The following PPEF2 variants were observed in gnomAD, a reference collection of about 807,000 sequenced individuals.
The protein encoded by PPEF2 is protein phosphatase with EF-hand domain 2, also known as serine/threonine-protein phosphatase with EF-hands 2.
In PPEF2, 84 loss-of-function variants were observed where a neutral mutation model predicts 84.7. That is an observed-to-expected ratio of 0.99 (90% CI 0.83 to 1.19). The LOEUF (loss-of-function observed/expected upper bound fraction) is 1.19. Among genes scored for constraint, PPEF2 ranks in the 50% most tolerant of loss-of-function variants. The pLI, the probability that PPEF2 is intolerant of heterozygous loss-of-function variation, is 0.00. For synonymous variants in PPEF2, 346 were observed against 345.2 expected (o/e 1.00, Z -0.03); for missense variants, 924 against 937.5 (o/e 0.99, Z 0.19).
At chr4:75,878,778 A>G (rs1049379796) in intron 10 of PPEF2, among the ~76,000 whole-genome samples, 1 of 152,070 alleles carries the variant, frequency 6.6e-6, no homozygotes, top group Non-Finnish European at 1.5e-5. Context: ...ATTCTCAGGT[A>G]TTTTATTATT....
intron 5 of PPEF2, 114 bp from the exon 6 acceptor site, chr4:75,888,442 C>T: frequency 8.7e-6 from 6 of 687,912 alleles, no homozygotes; most frequent in Non-Finnish European, 1.3e-5. Flanking sequence ...AAAAGTAACC[C>T]CAGTAAACTG....
chr4:75,897,757 A>G (rs1296198060), intron 1 of PPEF2, among the ~76,000 whole-genome samples: 1 of 152,202 alleles, frequency 6.6e-6, no homozygotes, highest in Non-Finnish European at 1.5e-5. Flanking sequence ...AGCCTGGGCG[A>G]CAGAGCAAGA....
intron 13 of PPEF2, 71 bp downstream of exon 13, chr4:75,871,954 G>T: frequency 7.0e-7 from 1 of 1,438,134 alleles, no homozygotes; most frequent in Non-Finnish European, 9.4e-7. Flanking sequence ...TATAACGTTT[G>T]ACACTTCATT....
chr4:75,886,426 T>G (rs1263550440), intron 7 of PPEF2, among the ~76,000 whole-genome samples: 1 of 152,180 alleles, frequency 6.6e-6, no homozygotes, highest in Non-Finnish European at 1.5e-5. Flanking sequence ...GGCACGTTCG[T>G]GGGGAACCTG....
At chr4:75,898,171 T>C (rs1168668908) in intron 1 of PPEF2, among the ~76,000 whole-genome samples, 1 of 152,236 alleles carries the variant, frequency 6.6e-6, no homozygotes, top group African/African-American at 2.4e-5. Context: ...TTTTCTGCCC[T>C]GGGCGGGCCA....
chr4:75,888,464 A>G (rs17001150), intron 5 of PPEF2, 136 bp from the exon 6 acceptor site: 6,401 of 601,872 alleles, frequency 0.011, 317 homozygotes, highest in African/African-American at 0.1. Context: ...TCCTGGGACT[A>G]TGCACGGATT....
intron 11 of PPEF2, among the ~76,000 whole-genome samples, chr4:75,876,020 C>T (rs2149218322): frequency 6.6e-6 from 1 of 152,300 alleles, no homozygotes. Flanking sequence ...TAGCATCCAA[C>T]AAATCATAGC....
In PPEF2 at chr4:75,888,279, T is replaced by C. The variant is rs766478534; in HGVS notation, c.467A>G (p.His156Arg). Residue 156 changes from histidine to arginine, a missense_variant, in exon 6 of 17, where the codon CAT becomes CGT. Transcript: ENST00000286719. ...VLNLLYETKK[H>R]LVQLPNINRV... ...GTTGATGTTTGGCAGCTGTACCAGA[T>C]GTTTCTTGGTTTCATACAAAAGGTT... 1.9e-6 allele frequency: 3 copies of C among 1,613,948 alleles called. No individual in the cohort carries two copies. The highest frequency in any genetic ancestry group is 2.7e-5 in the African/African-American group (2 of 74,910).
rs879136628 is a variant in PPEF2, at chr4:75,888,311, G to A, written c.435C>T (p.Tyr145=). ...FRLKQQLHAR[Y]VLNLLYETKK... ...TGGTTTCATACAAAAGGTTCAAGAC[G>A]TAGCGAGCATGGAGCTGCTACTGGG... Residue 145 remains tyrosine, a synonymous_variant, in exon 6 of 17, where the codon TAC becomes TAT. Transcript: ENST00000286719. 1.1e-5 allele frequency: 17 copies of A among 1,613,488 alleles called. No homozygotes were observed. Among genetic ancestry groups the A allele is most frequent in the African/African-American group, 1.3e-5 (1 of 74,870 alleles).
Position 75,876,416 on chromosome 4 carries a change from C to CTCCAGT in PPEF2, c.1185_1190dup (p.Leu398_Glu399dup). 1 of 1,614,190 alleles carries CTCCAGT rather than the reference C, an allele frequency of 6.2e-7. No individual in the cohort carries two copies. Among genetic ancestry groups the CTCCAGT allele is most frequent in the Non-Finnish European group, 8.5e-7 (1 of 1,180,044 alleles). On this transcript the variant is annotated inframe_insertion, in exon 11 of 17. Transcript: ENST00000286719. The stretch of plus-strand genomic sequence containing the variant: ...CTGCTTGCTGCCGGCACCGCTCTAG[C>CTCCAGT]TCCAGTTCCACGGAGCTCCGCACCT...
intron 16 of PPEF2, 84 bp downstream of exon 16, chr4:75,864,356 G>C: frequency 9.5e-7 from 1 of 1,049,414 alleles, no homozygotes; most frequent in Non-Finnish European, 1.5e-6. Flanking sequence ...GGAGATGAAT[G>C]AGGATGAATC....
intron 11 of PPEF2, 57 bp from the exon 12 acceptor site, chr4:75,873,369 G>T: frequency 7.0e-7 from 1 of 1,438,846 alleles, no homozygotes; most frequent in Non-Finnish European, 9.4e-7. Flanking sequence ...TTCATCCACA[G>T]TCATTCAAAT....
chr4:75,877,790 C>T (rs1049762410), intron 10 of PPEF2, among the ~76,000 whole-genome samples: 1 of 151,354 alleles, frequency 6.6e-6, no homozygotes, highest in African/African-American at 2.4e-5. Context: ...TCTAATAATT[C>T]ATATTTATTG....
rs35599561 is a variant in PPEF2 at position 75,876,373 on chromosome 4, C to T, written c.1234G>A (p.Glu412Lys). The change falls in exon 11 of 17, where the codon GAG becomes AAG. Residue 412 changes from glutamate to lysine, a missense_variant. Glu to Lys is a moderately conservative substitution (Grantham distance 56, BLOSUM62 1). Coordinates refer to ENST00000286719, the MANE Select transcript of PPEF2 (RefSeq NM_006239.3). ...RQQAGLLVTGEKEEPSRSASE... is the reference protein window; with the variant it reads ...RQQAGLLVTGKKEEPSRSASE... Reference sequence around the variant, plus strand: ...GCTGAGCGGGAGGGCTCCTCTTTCTCTCCGGTCACCAGGAGGCCTGCTTGC... The same window carrying T: ...GCTGAGCGGGAGGGCTCCTCTTTCTTTCCGGTCACCAGGAGGCCTGCTTGC... 2,019 of 1,614,110 alleles carry T rather than the reference C, an allele frequency of 1.3e-3. 26 individuals are homozygous for T. In the African/African-American group the frequency reaches 0.024, roughly 19 times the overall value.
Position 75,876,675 on chromosome 4 carries a change from T to A in PPEF2, c.934-2A>T. ...TTTGCACCTCATGGTGGAAACTATC[T>A]AAACACGTCCAGAAAGAGATACAGA... On this transcript the variant is annotated splice_acceptor_variant, in intron 10 of 16. Transcript: ENST00000286719. LOFTEE classifies it high-confidence loss of function. 1 of 1,532,780 alleles carries A rather than the reference T, an allele frequency of 6.5e-7. No individual in the cohort carries two copies. The highest frequency in any genetic ancestry group is 1.3e-5 in the South Asian group (1 of 77,738). 94.9% of individuals were successfully genotyped at this position (1,532,780 alleles called of 1,614,324 possible).
chr4:75,887,637 A>G (rs923379136), intron 6 of PPEF2, among the ~76,000 whole-genome samples: 2 of 152,040 alleles, frequency 1.3e-5, no homozygotes, highest in African/African-American at 4.8e-5. Flanking sequence ...AAAAAAAAAA[A>G]AAACTTTATG....
chr4:75,866,462 A>C (rs1433032829), intron 14 of PPEF2, 110 bp from the exon 15 acceptor site: 1 of 1,340,874 alleles, frequency 7.5e-7, no homozygotes, highest in Non-Finnish European at 1.0e-6. Context: ...AGGTAATAGA[A>C]ATAATGGGCA....
chr4:75,885,361 C>T (rs1423168027), intron 7 of PPEF2, among the ~76,000 whole-genome samples: 1 of 152,112 alleles, frequency 6.6e-6, no homozygotes, highest in Non-Finnish European at 1.5e-5. Flanking sequence ...GTTGCCCAGG[C>T]TGACCTCAAA....
At chr4:75,882,172 G>A (rs2174514) in intron 10 of PPEF2, among the ~76,000 whole-genome samples, 131,860 of 152,198 alleles carry the variant, frequency 0.87, 59,931 homozygotes, top group East Asian at 0.99. Context: ...CTTTAGGGCA[G>A]GCACCATCTC....
Sources: gnomAD v4.1 joint callset for allele counts (sites outside exome capture counted in the v4.1 genomes callset) on GRCh38, gnomAD v4.1.1 for gene constraint, MANE v1.5 for transcripts, NCBI Gene and HGNC (gene_info 2026-07-23, HGNC 2026-07-21) for gene names.